ITGA8: variants seen among roughly 807,000 people sequenced by gnomAD.
The protein encoded by ITGA8 is integrin alpha-8.
ITGA8 carries 91 observed loss-of-function variants against 142.3 expected under a neutral mutation model. That is an observed-to-expected ratio of 0.64 (90% CI 0.54 to 0.76). ITGA8 has a LOEUF of 0.76. Ranked by LOEUF, ITGA8 falls within the 30% of genes least tolerant of loss-of-function variation. ITGA8 has a pLI of 0.00. For synonymous variants in ITGA8, 505 were observed against 485.2 expected (o/e 1.04, Z -0.54); for missense variants, 1,406 against 1,327.7 (o/e 1.06, Z -0.92).
At chr10:15,647,992 G>A (rs976878382) in intron 11 of ITGA8, among the ~76,000 whole-genome samples, 5 of 152,038 alleles carry the variant, frequency 3.3e-5, no homozygotes, top group Admixed American at 6.5e-5. Context: ...AGATATTCAA[G>A]CAAATTATTT....
intron 2 of ITGA8, among the ~76,000 whole-genome samples, chr10:15,716,539 G>T (rs1022714160): frequency 6.6e-6 from 1 of 152,146 alleles, no homozygotes; most frequent in Non-Finnish European, 1.5e-5. Flanking sequence ...GCTACAATAA[G>T]GGTTAAATGC....
rs1835534039 is a variant in ITGA8, at chr10:15,719,920, T to A, written c.-149A>T. The A allele has an allele frequency of 3.5e-6, 2 of 566,096 alleles. No individual in the cohort carries two copies. The highest frequency in any genetic ancestry group is 5.3e-6 in the Non-Finnish European group (2 of 377,634). The allele number at this position is 566,096 out of a possible 1,614,324, so 35.1% of individuals were successfully genotyped here. A position where few individuals can be genotyped will look rare whatever the true frequency, so the allele number is the denominator to read the frequency against. ...GCACCCGTGGTGACAGTGCCCGGCG[T>A]CTGCTCCCACCCGCCCGCCCGCCCA... is the stretch of plus-strand genomic sequence containing the variant. On this transcript the variant is annotated 5_prime_UTR_variant, in exon 1 of 30. Transcript: ENST00000378076.
intron 27 of ITGA8, among the ~76,000 whole-genome samples, chr10:15,541,975 G>C (rs73598760): frequency 0.055 from 8,389 of 152,146 alleles, 751 homozygotes; most frequent in African/African-American, 0.19. Context: ...TTGCTCACTA[G>C]TCAGGAGGGC....
intron 6 of ITGA8, among the ~76,000 whole-genome samples, chr10:15,674,134 G>T (rs1834581974): frequency 6.6e-6 from 1 of 152,096 alleles, no homozygotes; most frequent in African/African-American, 2.4e-5. Context: ...ATTGCCAAGT[G>T]ACTGGGACTT....
rs185030166 is a variant in ITGA8, at chr10:15,634,006, C to T, written c.1399+10024G>A. On this transcript the variant is annotated intron_variant, in intron 13 of 29. Transcript: ENST00000378076. ...GCTTTTTATGACTGTGGCAAGAACA[C>T]ACTTGACACATGTAATCTCAGGGTC... is the stretch of plus-strand genomic sequence containing the variant. Among the ~76,000 whole-genome samples the T allele has an allele frequency of 3.2e-4, 48 of 152,262 alleles. No homozygotes were observed. The East Asian group carries it at 8.5e-3, about 27-fold the overall frequency.
intron 27 of ITGA8, among the ~76,000 whole-genome samples, chr10:15,533,429 G>A (rs546813398): frequency 4.0e-5 from 6 of 151,888 alleles, no homozygotes; most frequent in Non-Finnish European, 5.9e-5. Flanking sequence ...TATACAATTC[G>A]GAAACTTTTG....
intron 8 of ITGA8, among the ~76,000 whole-genome samples, chr10:15,668,190 AATCTGGGTGCTTCTGTATTGGGTGCAT>A (rs1224997722): frequency 3.4e-4 from 52 of 152,228 alleles, no homozygotes; most frequent in African/African-American, 1.2e-3. Flanking sequence ...TTGCTTTATG[AATCTGGGTGCTTCTGTATTGGGTGCAT>A]ATATATTTAG....
At chr10:15,552,634 A>G (rs141568349) in intron 26 of ITGA8, among the ~76,000 whole-genome samples, 4,358 of 152,208 alleles carry the variant, frequency 0.029, 232 homozygotes, top group African/African-American at 0.099. Context: ...TGCTGCACCT[A>G]TCAACCCGTC....
At chr10:15,673,273 C>T (rs1184374590) in intron 6 of ITGA8, among the ~76,000 whole-genome samples, 6 of 152,176 alleles carry the variant, frequency 3.9e-5, no homozygotes, top group African/African-American at 7.2e-5. Context: ...GTAGTAGAGA[C>T]GCAGTTTCAC....
At chr10:15,554,030 A>T (rs1833841655) in intron 26 of ITGA8, among the ~76,000 whole-genome samples, 1 of 152,190 alleles carries the variant, frequency 6.6e-6, no homozygotes, top group African/African-American at 2.4e-5. Context: ...GATGGGTAAC[A>T]CATTTGGGAT....
At chr10:15,559,493 C>G (rs893880395) in intron 25 of ITGA8, among the ~76,000 whole-genome samples, 1 of 152,094 alleles carries the variant, frequency 6.6e-6, no homozygotes, top group African/African-American at 2.4e-5. Context: ...GAGAGGAAAG[C>G]TAAGGCAGGG....
chr10:15,627,961 C>T (rs1443983995), intron 13 of ITGA8, among the ~76,000 whole-genome samples: 9 of 145,042 alleles, frequency 6.2e-5, no homozygotes, highest in East Asian at 2.1e-4. Context: ...GAGATGGTGA[C>T]GGGAGTGACC....
chr10:15,611,802 TAAA>T (rs35344683), intron 15 of ITGA8, among the ~76,000 whole-genome samples: 9 of 148,418 alleles, frequency 6.1e-5, no homozygotes, highest in East Asian at 2.0e-4. Context: ...TTAATCTGGT[TAAA>T]AAAAAAAAAA....
chr10:15,678,492 C>G (rs1834674529), intron 5 of ITGA8, among the ~76,000 whole-genome samples: 2 of 152,058 alleles, frequency 1.3e-5, no homozygotes, highest in Admixed American at 6.6e-5. Flanking sequence ...TTTATCATGT[C>G]TATTTCTCTA....
At chr10:15,606,486 A>G in intron 17 of ITGA8, 64 bp from the exon 18 acceptor site, 1 of 1,494,306 alleles carries the variant, frequency 6.7e-7, no homozygotes, top group Non-Finnish European at 9.2e-7. Context: ...GTCAGTCTGC[A>G]AAAGTCAGGC....
chr10:15,712,742 T>C (rs1835385294), intron 2 of ITGA8, among the ~76,000 whole-genome samples: 1 of 152,258 alleles, frequency 6.6e-6, no homozygotes, highest in Admixed American at 6.5e-5. Flanking sequence ...CAAGACTCGT[T>C]ATACACTAAG....
intron 2 of ITGA8, among the ~76,000 whole-genome samples, chr10:15,691,068 G>A (rs138990229): frequency 1.4e-4 from 22 of 152,242 alleles, no homozygotes; most frequent in South Asian, 1.2e-3. Flanking sequence ...GCATACAAAC[G>A]GCCAACAGGT....
rs566166749 is a variant in ITGA8 at position 15,597,944 on chromosome 10, T to C, written c.2119-645A>G. Among the ~76,000 whole-genome samples, 11 of 152,276 alleles carry C rather than the reference T, an allele frequency of 7.2e-5. No individual in the cohort carries two copies. The East Asian group carries it at 2.1e-3, about 29-fold the overall frequency. ...TTGAAGCTATATACTGGACAAATTC[T>C]CAAGGTTGAACAGATGAGAGGGGAA... On this transcript the variant is annotated intron_variant, in intron 20 of 29. Coordinates refer to ENST00000378076, the MANE Select transcript of ITGA8 (RefSeq NM_003638.3).
At chr10:15,615,080 G>A (rs1474815088) in intron 14 of ITGA8, among the ~76,000 whole-genome samples, 3 of 152,170 alleles carry the variant, frequency 2.0e-5, no homozygotes, top group African/African-American at 7.2e-5. Context: ...GCAAAAACAG[G>A]CCTGCATTTG....
Sources: allele counts gnomAD v4.1 joint callset (sites outside exome capture counted in the v4.1 genomes callset), GRCh38; gene constraint gnomAD v4.1.1; transcripts MANE v1.5; gene names NCBI Gene and HGNC (gene_info 2026-07-23, HGNC 2026-07-21).